MTUS2: variants seen among roughly 807,000 people sequenced by gnomAD.
The protein encoded by MTUS2 is microtubule associated scaffold protein 2.
MTUS2 carries 40 observed loss-of-function variants against 114.1 expected under a neutral mutation model. That is an observed-to-expected ratio of 0.35 (90% CI 0.27 to 0.46). The LOEUF is 0.46. MTUS2 is among the 20% of genes least tolerant of loss of function. The probability of loss-of-function intolerance (pLI) is 1.00; values close to 1 mark genes in which losing one functional copy is unlikely to be tolerated. For missense variants in MTUS2, 1,679 were observed against 1,705.4 expected (o/e 0.98, Z 0.27); for synonymous variants, 688 against 672.0 (o/e 1.02, Z -0.37).
In MTUS2 at chr13:29,025,774, C is replaced by T; in HGVS notation, c.1076C>T (p.Ala359Val). The T allele has an allele frequency of 6.2e-7, 1 of 1,613,994 alleles. No individual in the cohort carries two copies. The highest frequency in any genetic ancestry group is 8.5e-7 in the Non-Finnish European group (1 of 1,179,898). ...GAAGCACACCCGGAAGCCACCGATG[C>T]ACTTGGCCATCTGCTGAACAGTGAC... is the stretch of plus-strand genomic sequence containing the variant. ...CGEAHPEATD[A>V]LGHLLNSDLH... Residue 359 changes from alanine (A) to valine (V), a missense_variant, in exon 3 of 16, where the codon GCA becomes GTA. Transcript: ENST00000612955.
At chr13:29,212,871 A>C (rs943561648) in intron 5 of MTUS2, among the ~76,000 whole-genome samples, 1 of 152,100 alleles carries the variant, frequency 6.6e-6, no homozygotes. Flanking sequence ...CATAGGCATG[A>C]CTGACTATTA....
intron 2 of MTUS2, among the ~76,000 whole-genome samples, chr13:28,855,684 T>C (rs1215938598): frequency 6.6e-6 from 1 of 152,204 alleles, no homozygotes; most frequent in Non-Finnish European, 1.5e-5. Flanking sequence ...TTGATGGGCA[T>C]TTGGGTTGAT....
chr13:29,367,675 A>G (rs1870832381), intron 8 of MTUS2, among the ~76,000 whole-genome samples: 1 of 152,178 alleles, frequency 6.6e-6, no homozygotes, highest in Non-Finnish European at 1.5e-5. Flanking sequence ...CTGACAACTA[A>G]GTGGATTCAA....
chr13:28,849,633 C>T (rs114084029), intron 2 of MTUS2, among the ~76,000 whole-genome samples: 197 of 152,226 alleles, frequency 1.3e-3, no homozygotes, highest in African/African-American at 4.6e-3. Flanking sequence ...GCCCCATGGA[C>T]GCCATCTGTG....
chr13:29,338,995 C>G (rs1901233726), intron 7 of MTUS2, among the ~76,000 whole-genome samples: 1 of 151,972 alleles, frequency 6.6e-6, no homozygotes, highest in African/African-American at 2.4e-5. Context: ...GACAGTGGCT[C>G]CTGTGGGGGT....
chr13:29,023,602 C>T (rs1008947127), intron 2 of MTUS2, among the ~76,000 whole-genome samples: 1 of 152,190 alleles, frequency 6.6e-6, no homozygotes, highest in Non-Finnish European at 1.5e-5. Flanking sequence ...AGCACGATTA[C>T]ACACCCAAGA....
chr13:29,473,620 T>C (rs1402526381), intron 9 of MTUS2, among the ~76,000 whole-genome samples: 1 of 152,192 alleles, frequency 6.6e-6, no homozygotes, highest in Non-Finnish European at 1.5e-5. Context: ...TTTTAGGTAT[T>C]TTTATATCAG....
At chr13:28,876,807 A>G (rs1223914494) in intron 2 of MTUS2, among the ~76,000 whole-genome samples, 1 of 152,136 alleles carries the variant, frequency 6.6e-6, no homozygotes, top group Non-Finnish European at 1.5e-5. Flanking sequence ...ATGATCAAAC[A>G]ATGTTCCTTA....
At chr13:29,022,312 A>G (rs1268901492) in intron 2 of MTUS2, among the ~76,000 whole-genome samples, 2 of 152,164 alleles carry the variant, frequency 1.3e-5, no homozygotes, top group African/African-American at 2.4e-5. Flanking sequence ...GATGGCTGCA[A>G]GGTGTCCTTG....
intron 2 of MTUS2, among the ~76,000 whole-genome samples, chr13:28,990,707 A>G (rs529435144): frequency 6.6e-6 from 1 of 152,312 alleles, no homozygotes; most frequent in South Asian, 2.1e-4. Flanking sequence ...GCGGGGACAA[A>G]TAAGGGAATA....
At chr13:29,407,431 C>T (rs1296019722) in intron 8 of MTUS2, among the ~76,000 whole-genome samples, 1 of 150,734 alleles carries the variant, frequency 6.6e-6, no homozygotes, top group Non-Finnish European at 1.5e-5. Context: ...CCACATTATT[C>T]TCCAGAGTGA....
At chr13:29,027,755 G>C (rs1200242962) in intron 3 of MTUS2, among the ~76,000 whole-genome samples, 1 of 152,064 alleles carries the variant, frequency 6.6e-6, no homozygotes, top group Admixed American at 6.5e-5. Flanking sequence ...GTTTCACCGT[G>C]GTCTTGATCT....
At chr13:29,499,033 CT>C (rs1003388182) in intron 14 of MTUS2, among the ~76,000 whole-genome samples, 13 of 152,196 alleles carry the variant, frequency 8.5e-5, no homozygotes, top group African/African-American at 2.9e-4. Context: ...CCCTGGGGCC[CT>C]TTTTATAAGG....
At chr13:28,848,308 C>T (rs1876022254) in intron 2 of MTUS2, among the ~76,000 whole-genome samples, 1 of 152,184 alleles carries the variant, frequency 6.6e-6, no homozygotes, top group South Asian at 2.1e-4. Flanking sequence ...AGAGGTGGGA[C>T]TCACAAGCCC....
intron 2 of MTUS2, among the ~76,000 whole-genome samples, chr13:28,967,653 G>A (rs1883658538): frequency 6.6e-6 from 1 of 152,130 alleles, no homozygotes; most frequent in African/African-American, 2.4e-5. Context: ...TGTCAGTGGA[G>A]GCAGGATCTT....
intron 5 of MTUS2, among the ~76,000 whole-genome samples, chr13:29,117,109 C>A (rs1309512698): frequency 6.6e-6 from 1 of 152,162 alleles, no homozygotes; most frequent in Non-Finnish European, 1.5e-5. Flanking sequence ...ATGATACTTT[C>A]TCTAGTTTGA....
At chr13:29,454,536 C>T (rs76051385) in intron 9 of MTUS2, among the ~76,000 whole-genome samples, 2,051 of 152,236 alleles carry the variant, frequency 0.013, 44 homozygotes, top group African/African-American at 0.047. Context: ...GGCAGATCTA[C>T]CTGGGAGCAA....
chr13:29,379,262 G>A (rs35117000), intron 8 of MTUS2, among the ~76,000 whole-genome samples: 23,558 of 152,160 alleles, frequency 0.15, 2,613 homozygotes, highest in African/African-American at 0.32. Flanking sequence ...ATAAGCCACA[G>A]TGGGAGAGTG....
intron 5 of MTUS2, among the ~76,000 whole-genome samples, chr13:29,169,041 G>A (rs1230883347): frequency 6.6e-6 from 1 of 152,094 alleles, no homozygotes; most frequent in African/African-American, 2.4e-5. Context: ...TTTTTAGGTT[G>A]TGACCTGCCC....
Sources: gnomAD v4.1 joint callset for allele counts (sites outside exome capture counted in the v4.1 genomes callset) on GRCh38, gnomAD v4.1.1 for gene constraint, MANE v1.5 for transcripts, NCBI Gene and HGNC (gene_info 2026-07-23, HGNC 2026-07-21) for gene names.